The following DAB2IP variants were observed in gnomAD, a reference collection of about 807,000 sequenced individuals.
DAB2IP encodes the protein DAB2 interacting protein, also known as disabled homolog 2-interacting protein.
DAB2IP carries 28 observed loss-of-function variants against 107.2 expected under a neutral mutation model. That is an observed-to-expected ratio of 0.26 (90% CI 0.19 to 0.36). The LOEUF is 0.36. Among genes scored for constraint, DAB2IP ranks in the 10% least tolerant of loss-of-function variants. DAB2IP has a pLI of 1.00. For missense variants in DAB2IP, 1,400 were observed against 1,644.7 expected (o/e 0.85, Z 2.57); for synonymous variants, 755 against 706.4 (o/e 1.07, Z -1.09).
chr9:121,683,695 G>C (rs776824654), intron 2 of DAB2IP, among the ~76,000 whole-genome samples: 9 of 152,248 alleles, frequency 5.9e-5, no homozygotes, highest in Non-Finnish European at 1.3e-4. Flanking sequence ...CACTTTTATT[G>C]GTGCTTGGTT....
chr9:121,768,388 C>A (rs1295353180), intron 9 of DAB2IP, 44 bp from the exon 10 acceptor site: 6 of 1,607,172 alleles, frequency 3.7e-6, no homozygotes, highest in Non-Finnish European at 4.3e-6. Context: ...CTGGGCAGGG[C>A]CTGCCTGGGC....
At chr9:121,629,136 C>T (rs1032774418) in intron 1 of DAB2IP, among the ~76,000 whole-genome samples, 3 of 152,124 alleles carry the variant, frequency 2.0e-5, no homozygotes, top group East Asian at 1.9e-4. Flanking sequence ...CTGGTGAAGG[C>T]GACAGAAATG....
chr9:121,784,810 T>G (rs1835895383), exon 16 of DAB2IP: 1 of 153,420 alleles, frequency 6.5e-6, no homozygotes, highest in Non-Finnish European at 1.5e-5. Context: ...ATTTGTGTGT[T>G]GGCTTTGCAG....
chr9:121,739,477 A>T (rs1832163336), intron 3 of DAB2IP, among the ~76,000 whole-genome samples: 1 of 151,878 alleles, frequency 6.6e-6, no homozygotes, highest in Non-Finnish European at 1.5e-5. Flanking sequence ...GGTCCCTCTG[A>T]CTCCCCTGGT....
At chr9:121,592,453 C>A (rs1225362151) in intron 1 of DAB2IP, among the ~76,000 whole-genome samples, 2 of 152,160 alleles carry the variant, frequency 1.3e-5, no homozygotes, top group Admixed American at 1.3e-4. Flanking sequence ...GACAAAGTGC[C>A]CCAGTGGCTA....
chr9:121,600,880 G>A (rs968537286), intron 1 of DAB2IP, among the ~76,000 whole-genome samples: 50 of 152,170 alleles, frequency 3.3e-4, no homozygotes, highest in Non-Finnish European at 2.9e-4. Flanking sequence ...CTGGCTCGTA[G>A]GACAGCCATC....
chr9:121,770,974 C>T (rs188140528), intron 11 of DAB2IP, among the ~76,000 whole-genome samples: 1 of 152,286 alleles, frequency 6.6e-6, no homozygotes, highest in Non-Finnish European at 1.5e-5. Context: ...GTGGAAAAGG[C>T]ATTCTAGACA....
At chr9:121,623,251 GTGGT>G (rs1248865906) in intron 1 of DAB2IP, among the ~76,000 whole-genome samples, 1 of 152,198 alleles carries the variant, frequency 6.6e-6, no homozygotes, top group Non-Finnish European at 1.5e-5. Flanking sequence ...ACATCCAGGG[GTGGT>G]GCAGGGCCAG....
chr9:121,583,996 G>A (rs1830261656), intron 1 of DAB2IP, among the ~76,000 whole-genome samples: 2 of 152,060 alleles, frequency 1.3e-5, no homozygotes, highest in African/African-American at 2.4e-5. Flanking sequence ...GGCCAACATG[G>A]TGAAACCCTG....
chr9:121,777,725 C>T (rs1835305559), intron 14 of DAB2IP, among the ~76,000 whole-genome samples: 1 of 152,166 alleles, frequency 6.6e-6, no homozygotes, highest in South Asian at 2.1e-4. Context: ...TTCTTAGGTG[C>T]ATATACATTT....
chr9:121,698,760 C>T lies in DAB2IP; in HGVS notation c.229-565C>T, dbSNP rs1008131687. ...CCAGCCGGCGCCTCAGCCGACCACGCGCCCGCTCTCATCGGTACCACCGAG... is the reference window on the plus strand; with the variant it reads ...CCAGCCGGCGCCTCAGCCGACCACGTGCCCGCTCTCATCGGTACCACCGAG... On this transcript the variant is annotated intron_variant, in intron 2 of 15. Coordinates refer to ENST00000408936, the Ensembl canonical transcript of DAB2IP. The surrounding 1 kb of genome is among the most constrained non-coding windows in gnomAD (Gnocchi z 4.1). 1.3e-5 allele frequency among the ~76,000 whole-genome samples: 2 copies of T among 152,172 alleles called. No homozygotes were observed. The highest frequency in any genetic ancestry group is 6.5e-5 in the Admixed American group (1 of 15,288).
chr9:121,704,046 G>T (rs568187097), intron 3 of DAB2IP, among the ~76,000 whole-genome samples: 5 of 152,108 alleles, frequency 3.3e-5, no homozygotes, highest in South Asian at 2.1e-4. Context: ...TCCATCTTCC[G>T]TTTGGGTCAT....
intron 1 of DAB2IP, among the ~76,000 whole-genome samples, chr9:121,666,917 A>ACACACACACACAC (rs1564143999): frequency 7.4e-4 from 77 of 104,752 alleles, no homozygotes; most frequent in African/African-American, 2.5e-3. Flanking sequence ...CACACACACA[A>ACACACACACACAC]CACTCTTAAA....
exon 2 of DAB2IP, chr9:121,678,720 G>T: frequency 6.3e-7 from 1 of 1,596,614 alleles, no homozygotes; most frequent in Non-Finnish European, 8.5e-7. Flanking sequence ...AGCCTGCCTG[G>T]CAGCCTTTCC....
intron 1 of DAB2IP, among the ~76,000 whole-genome samples, chr9:121,588,168 T>C (rs1564686053): frequency 6.6e-6 from 1 of 152,144 alleles, no homozygotes; most frequent in Admixed American, 6.5e-5. Context: ...ACCTTACTTC[T>C]GGCTGCATAG....
rs762737181 is a variant in DAB2IP, at chr9:121,760,451, C to T, written c.1170+12C>T. 3.8e-6 allele frequency: 6 copies of T among 1,572,762 alleles called. No homozygotes were observed. The highest frequency in any genetic ancestry group is 1.2e-5 in the South Asian group (1 of 85,902). On this transcript the variant is annotated intron_variant, in intron 6 of 15. Coordinates refer to ENST00000408936, the Ensembl canonical transcript of DAB2IP. This position sits in a 1 kb window ranked among gnomAD's most constrained non-coding sequence, Gnocchi z 5.9. ...CGGGCAAGGTGAAGGTGCGTGCAGGCCCCTCGGCTCCTGACACAGGCTGGG... is the reference window on the plus strand; with the variant it reads ...CGGGCAAGGTGAAGGTGCGTGCAGGTCCCTCGGCTCCTGACACAGGCTGGG...
chr9:121,663,263 T>C (rs1215370706), intron 1 of DAB2IP, among the ~76,000 whole-genome samples: 1 of 152,150 alleles, frequency 6.6e-6, no homozygotes, highest in African/African-American at 2.4e-5. Context: ...ACCAGACTAT[T>C]AACGCGGCCA....
intron 3 of DAB2IP, among the ~76,000 whole-genome samples, chr9:121,722,499 T>C (rs1830997725): frequency 6.6e-6 from 1 of 152,148 alleles, no homozygotes; most frequent in Non-Finnish European, 1.5e-5. Context: ...CCTGCAGAAA[T>C]GGTCCTTCAG....
chr9:121,611,805 A>G (rs1336717895), intron 1 of DAB2IP, among the ~76,000 whole-genome samples: 6 of 151,732 alleles, frequency 4.0e-5, no homozygotes, highest in Non-Finnish European at 4.4e-5. Context: ...GGGTGGTCTC[A>G]AACTCCTGGC....
Sources: allele counts gnomAD v4.1 joint callset (sites outside exome capture counted in the v4.1 genomes callset), GRCh38; gene constraint gnomAD v4.1.1; non-coding constraint Gnocchi (gnomAD v3.1); transcripts MANE v1.5; gene names NCBI Gene and HGNC (gene_info 2026-07-23, HGNC 2026-07-21).